The following GRM3 variants were observed in gnomAD, a reference collection of about 807,000 sequenced individuals.
GRM3 encodes metabotropic glutamate receptor 3.
A neutral mutation model predicts 70.5 loss-of-function variants in GRM3; 26 were observed. The ratio of observed to expected loss-of-function variants is 0.37; its 90% CI spans 0.27 to 0.51. GRM3 has a LOEUF of 0.51. Among genes scored for constraint, GRM3 ranks in the 20% least tolerant of loss-of-function variants. GRM3 has a pLI of 0.93. For missense variants in GRM3, 859 were observed against 1,123.8 expected, an observed-to-expected ratio of 0.76 and a Z score of 3.37; for synonymous variants, 443 against 434.9, an observed-to-expected ratio of 1.02 and a Z score of -0.23.
chr7:86,764,436 C>A (rs1163792930), intron 1 of GRM3, among the ~76,000 whole-genome samples: 2 of 152,046 alleles, frequency 1.3e-5, no homozygotes, highest in Non-Finnish European at 2.9e-5. Context: ...TTTGTTAGAG[C>A]AGTTGAGGCA....
intron 3 of GRM3, among the ~76,000 whole-genome samples, chr7:86,826,557 G>A (rs1798238296): frequency 1.3e-5 from 2 of 152,094 alleles, no homozygotes; most frequent in Admixed American, 1.3e-4. Context: ...ACATATTCAA[G>A]GAAGTGTATA....
intron 1 of GRM3, among the ~76,000 whole-genome samples, chr7:86,693,136 A>G (rs1389752127): frequency 6.6e-6 from 1 of 152,220 alleles, no homozygotes; most frequent in African/African-American, 2.4e-5. Flanking sequence ...GCAGACCACT[A>G]TCATTCATTG....
intron 1 of GRM3, among the ~76,000 whole-genome samples, chr7:86,764,188 G>A (rs1796546466): frequency 1.3e-5 from 2 of 152,076 alleles, no homozygotes; most frequent in Non-Finnish European, 2.9e-5. Flanking sequence ...TTAAGTGGTA[G>A]TTGAAACTGA....
chr7:86,758,183 T>C (rs1389884372), intron 1 of GRM3, among the ~76,000 whole-genome samples: 2 of 152,166 alleles, frequency 1.3e-5, no homozygotes, highest in Admixed American at 1.3e-4. Flanking sequence ...TCTGAAATTA[T>C]ATAAAAAGGG....
chr7:86,796,503 G>T (rs1358820054), intron 3 of GRM3, among the ~76,000 whole-genome samples: 3 of 152,020 alleles, frequency 2.0e-5, no homozygotes, highest in Non-Finnish European at 2.9e-5. Flanking sequence ...GCATCATGCT[G>T]CCACCTTTGT....
rs867400502 is a variant in GRM3 at position 86,653,788 on chromosome 7, A to G, written c.-141+8916A>G. Among the ~76,000 whole-genome samples, 26 of 152,088 alleles carry G rather than the reference A, an allele frequency of 1.7e-4. No individual in the cohort carries two copies. In the South Asian group the frequency reaches 5.2e-3, roughly 30 times the overall value. On this transcript the variant is annotated intron_variant, in intron 1 of 5. Coordinates refer to ENST00000361669, the MANE Select transcript of GRM3 (RefSeq NM_000840.3). ...CTTCTCACTTTTAATATTTTATCCT[A>G]TATTTTATCATTAATATTAATATAT...
intron 1 of GRM3, among the ~76,000 whole-genome samples, chr7:86,736,242 C>G (rs901496464): frequency 1.3e-5 from 2 of 152,058 alleles, no homozygotes; most frequent in Non-Finnish European, 2.9e-5. Flanking sequence ...GGTAGGCAAA[C>G]GAGGAAAAGA....
intron 5 of GRM3, among the ~76,000 whole-genome samples, chr7:86,862,800 T>A (rs1798985746): frequency 6.6e-6 from 1 of 152,180 alleles, no homozygotes; most frequent in African/African-American, 2.4e-5. Flanking sequence ...GAATGCCATA[T>A]AATCTCACAT....
At chr7:86,645,991 GTGGGGGT>G (rs1562811214) in intron 1 of GRM3, among the ~76,000 whole-genome samples, 718 of 22,002 alleles carry the variant, frequency 0.033, 8 homozygotes, top group South Asian at 0.044. Flanking sequence ...GGGCGGGGGG[GTGGGGGT>G]GGGGGGGTGG....
chr7:86,826,784 A>C (rs2237566), intron 3 of GRM3, among the ~76,000 whole-genome samples: 1 of 152,006 alleles, frequency 6.6e-6, no homozygotes, highest in East Asian at 1.9e-4. Context: ...TTTGTTCTGA[A>C]GGTGTGTCTT....
intron 1 of GRM3, among the ~76,000 whole-genome samples, chr7:86,685,928 A>C (rs1010324107): frequency 6.7e-6 from 1 of 149,710 alleles, no homozygotes; most frequent in Non-Finnish European, 1.5e-5. Flanking sequence ...AAAAAAAAAT[A>C]CTAATAACTA....
chr7:86,667,505 A>G (rs1047687175), intron 1 of GRM3, among the ~76,000 whole-genome samples: 6 of 152,068 alleles, frequency 3.9e-5, no homozygotes, highest in African/African-American at 1.4e-4. Flanking sequence ...TTATCTCTCT[A>G]TGTGACTAAG....
intron 2 of GRM3, among the ~76,000 whole-genome samples, chr7:86,774,661 A>G (rs561066846): frequency 2.0e-5 from 3 of 148,152 alleles, no homozygotes; most frequent in Non-Finnish European, 4.5e-5. Flanking sequence ...CAGATTTGCC[A>G]TCACTTAATA....
intron 1 of GRM3, among the ~76,000 whole-genome samples, chr7:86,711,801 A>C (rs1795206288): frequency 6.6e-6 from 1 of 152,004 alleles, no homozygotes; most frequent in Non-Finnish European, 1.5e-5. Context: ...TAATTCCCCA[A>C]GGTTCTGTCC....
chr7:86,757,221 A>G (rs1584218887), intron 1 of GRM3, among the ~76,000 whole-genome samples: 1 of 152,268 alleles, frequency 6.6e-6, no homozygotes, highest in Middle Eastern at 3.4e-3. Flanking sequence ...TTATATGTCA[A>G]GCAATTTATA....
intron 1 of GRM3, among the ~76,000 whole-genome samples, chr7:86,730,854 C>T (rs539132562): frequency 7.9e-5 from 12 of 152,254 alleles, no homozygotes; most frequent in African/African-American, 2.9e-4. Flanking sequence ...ACAAAATGGC[C>T]TTTTCTCTGC....
chr7:86,695,410 T>G (rs555103086), intron 1 of GRM3, among the ~76,000 whole-genome samples: 2 of 152,294 alleles, frequency 1.3e-5, no homozygotes, highest in South Asian at 4.1e-4. Flanking sequence ...TTCTTATATC[T>G]GATATAGTAA....
rs540991280 is a variant in GRM3, at chr7:86,739,392, T to C, written c.-140-25614T>C. On this transcript the variant is annotated intron_variant, in intron 1 of 5. Transcript: ENST00000361669. ...CAGTAACCTTCCAGTAACCTTCTAC[T>C]CTCGCTTCTGTGAATTCAACTTTTT... is the stretch of plus-strand genomic sequence containing the variant. 3.9e-5 allele frequency among the ~76,000 whole-genome samples: 6 copies of C among 152,344 alleles called. No homozygotes were observed. The East Asian group carries it at 1.2e-3, about 29-fold the overall frequency.
intron 4 of GRM3, among the ~76,000 whole-genome samples, chr7:86,843,128 T>C (rs773268133): frequency 6.6e-6 from 1 of 152,106 alleles, no homozygotes; most frequent in African/African-American, 2.4e-5. Context: ...AAAAGTGACA[T>C]GATGAAAGGC....
Sources: gnomAD v4.1 joint callset for allele counts (sites outside exome capture counted in the v4.1 genomes callset) on GRCh38, gnomAD v4.1.1 for gene constraint, MANE v1.5 for transcripts, NCBI Gene and HGNC (gene_info 2026-07-23, HGNC 2026-07-21) for gene names.